The following PRDM2 variants were observed in gnomAD, a reference collection of about 807,000 sequenced individuals.
PRDM2 encodes PR domain zinc finger protein 2.
PRDM2 carries 30 observed loss-of-function variants against 130.0 expected under a neutral mutation model. That is an observed-to-expected ratio of 0.23 (90% CI 0.17 to 0.31). PRDM2 has a LOEUF of 0.31. Among genes scored for constraint, PRDM2 ranks in the 10% least tolerant of loss-of-function variants. The pLI is 1.00. For missense variants in PRDM2, 2,011 were observed against 2,108.4 expected, an observed-to-expected ratio of 0.95 and a Z score of 0.90; for synonymous variants, 871 against 782.4, an observed-to-expected ratio of 1.11 and a Z score of -1.89.
At chr1:13,793,225 C>T (rs1012725675) in intron 8 of PRDM2, among the ~76,000 whole-genome samples, 1 of 152,256 alleles carries the variant, frequency 6.6e-6, no homozygotes, top group African/African-American at 2.4e-5. Context: ...TGTAGGGGAG[C>T]TCTGTGCCCC....
At chr1:13,799,539 G>A (rs1013755524) in intron 8 of PRDM2, among the ~76,000 whole-genome samples, 1 of 151,692 alleles carries the variant, frequency 6.6e-6, no homozygotes, top group Non-Finnish European at 1.5e-5. Context: ...TTGCTGGAAC[G>A]CCAACTGTGG....
Position 13,749,493 on chromosome 1 carries a change from A to C in PRDM2, c.511+6A>C, listed in dbSNP as rs1162553290. 1.4e-6 allele frequency: 2 copies of C among 1,399,366 alleles called. No individual in the cohort carries two copies. Among genetic ancestry groups the C allele is most frequent in the Non-Finnish European group, 1.9e-6 (2 of 1,055,652 alleles). The allele number at this position is 1,399,366 out of a possible 1,614,324, so 86.7% of individuals were successfully genotyped here. On this transcript the variant is annotated splice_donor_region_variant and intron_variant, in intron 6 of 9. Coordinates refer to ENST00000311066, the MANE Select transcript of PRDM2 (RefSeq NM_001393986.1). ...CTCCCCCAAGAGCCGGAAAGGTAGG[A>C]GCCCCCCGGCCCGCCCGCCCGGCCC...
At chr1:13,762,158 C>G (rs1257537111) in intron 6 of PRDM2, among the ~76,000 whole-genome samples, 1 of 152,204 alleles carries the variant, frequency 6.6e-6, no homozygotes, top group African/African-American at 2.4e-5. Context: ...TGTGCATTAC[C>G]TCATTTACTT....
intron 6 of PRDM2, among the ~76,000 whole-genome samples, chr1:13,750,310 C>G (rs1382609864): frequency 6.6e-6 from 1 of 151,134 alleles, no homozygotes; most frequent in South Asian, 2.1e-4. Flanking sequence ...GTTCATAGAT[C>G]CCAGTTTGAA....
Position 13,824,279 on chromosome 1 carries a change from A to G in PRDM2, c.*1144A>G, listed in dbSNP as rs1479336914. ...TCAGCTCCAATTTCAAGAGTGAGCT[A>G]TCAAACCCAGAGCGGAAGGAGGGAG... On this transcript the variant is annotated 3_prime_UTR_variant, in exon 10 of 10. Transcript: ENST00000311066. 1 of 152,648 alleles carries G rather than the reference A, an allele frequency of 6.6e-6. No homozygotes were observed. Among genetic ancestry groups the G allele is most frequent in the African/African-American group, 2.4e-5 (1 of 41,446 alleles). 9.5% of individuals were successfully genotyped at this position (152,648 alleles called of 1,614,324 possible).
chr1:13,748,213 T>C (rs1392491903), intron 5 of PRDM2, among the ~76,000 whole-genome samples: 1 of 152,244 alleles, frequency 6.6e-6, no homozygotes, highest in Non-Finnish European at 1.5e-5. Flanking sequence ...TTTTCTTTTG[T>C]AATTAATAAA....
intron 8 of PRDM2, among the ~76,000 whole-genome samples, chr1:13,801,081 G>A (rs1644999662): frequency 6.6e-6 from 1 of 152,226 alleles, no homozygotes; most frequent in Non-Finnish European, 1.5e-5. Context: ...TAGTGTTCCA[G>A]TAGTGCCCCC....
At chr1:13,787,903 A>G in intron 8 of PRDM2, 2 of 985,112 alleles carry the variant, frequency 2.0e-6, no homozygotes, top group Non-Finnish European at 2.4e-6. Context: ...GAGGTTAATT[A>G]TAGATAGACA....
intron 8 of PRDM2, among the ~76,000 whole-genome samples, chr1:13,794,520 CAT>C (rs1459035597): frequency 3.9e-5 from 6 of 152,168 alleles, no homozygotes; most frequent in African/African-American, 4.8e-5. Context: ...CTGGCTTTAT[CAT>C]GTGTAGTTCT....
chr1:13,730,773 A>C (rs758705848), intron 2 of PRDM2, among the ~76,000 whole-genome samples: 13 of 152,218 alleles, frequency 8.5e-5, no homozygotes, highest in Non-Finnish European at 1.5e-4. Context: ...GGAACAAAAT[A>C]GAGTAACACA....
At chr1:13,805,971 C>T (rs1030539640) in intron 8 of PRDM2, among the ~76,000 whole-genome samples, 2 of 152,122 alleles carry the variant, frequency 1.3e-5, no homozygotes, top group Admixed American at 6.5e-5. Flanking sequence ...CTTCTTGAAG[C>T]GTCCTCTGGG....
At chr1:13,724,304 A>G (rs1022873694) in intron 2 of PRDM2, among the ~76,000 whole-genome samples, 1 of 152,176 alleles carries the variant, frequency 6.6e-6, no homozygotes. Context: ...ATCTCAGTTT[A>G]TTCTGGTATA....
At chr1:13,752,957 A>G (rs2100551274) in intron 6 of PRDM2, among the ~76,000 whole-genome samples, 1 of 152,332 alleles carries the variant, frequency 6.6e-6, no homozygotes, top group African/African-American at 2.4e-5. Flanking sequence ...GCTCTTGGGA[A>G]CTGTAAGTAC....
At position 13,732,871 on chromosome 1, in the gene PRDM2, T is replaced by C; in HGVS notation, c.220T>C (p.Tyr74His). The C allele has an allele frequency of 6.3e-7, 1 of 1,575,212 alleles. No homozygotes were observed. Among genetic ancestry groups the C allele is most frequent in the Non-Finnish European group, 8.7e-7 (1 of 1,152,980 alleles). Residue 74 changes from tyrosine to histidine, a missense_variant, in exon 4 of 10, where the codon TAC (tyrosine) becomes CAC (histidine). Tyr to His is a moderately conservative substitution (Grantham distance 83). Transcript: ENST00000311066. ...KKRSQVKNNVYMWEVYYPNLG... is the reference protein window; with the variant it reads ...KKRSQVKNNVHMWEVYYPNLG... ...AAGATCTCAGGTTAAGAATAATGTA[T>C]ACATGTGGGAGGTAAGAAGTAATTC...
intron 8 of PRDM2, among the ~76,000 whole-genome samples, chr1:13,783,702 C>T (rs2100681616): frequency 6.6e-6 from 1 of 152,272 alleles, no homozygotes; most frequent in South Asian, 2.1e-4. Flanking sequence ...CTTCCTGAGT[C>T]CTTTGTCCGA....
At position 13,781,360 on chromosome 1, in the gene PRDM2, A is replaced by T; in HGVS notation, c.3565A>T (p.Asn1189Tyr). 1 of 1,614,092 alleles carries T rather than the reference A, an allele frequency of 6.2e-7. No homozygotes were observed. Among genetic ancestry groups the T allele is most frequent in the Non-Finnish European group, 8.5e-7 (1 of 1,180,016 alleles). The change falls in exon 8 of 10, where the codon AAT becomes TAT. Residue 1189 changes from asparagine to tyrosine, a missense_variant. Physicochemically the swap from Asn to Tyr is moderately radical, Grantham distance 143. Transcript: ENST00000311066. This position sits in a 1 kb window ranked among gnomAD's most constrained non-coding sequence, Gnocchi z 6.1. ...TCGCTTTTTGCTTCATGGAGTTGGG[A>T]ATATCTTTGTGTGTTCTGTTTGTAA... is the stretch of plus-strand genomic sequence containing the variant. The part of the protein sequence containing the change: ...EHRFLLHGVG[N>Y]IFVCSVCKKE...
intron 8 of PRDM2, among the ~76,000 whole-genome samples, chr1:13,804,201 G>A (rs1645053315): frequency 6.6e-6 from 1 of 152,152 alleles, no homozygotes; most frequent in Non-Finnish European, 1.5e-5. Context: ...ATTCCTCATG[G>A]TCAACTGTGT....
chr1:13,806,816 A>G lies in PRDM2; in HGVS notation c.5037-9611A>G, dbSNP rs1271708146. Among the ~76,000 whole-genome samples, 1 of 152,076 alleles carries G rather than the reference A, an allele frequency of 6.6e-6. No homozygotes were observed. The highest frequency in any genetic ancestry group is 1.5e-5 in the Non-Finnish European group (1 of 68,014). ...GGACAACTGACTGACACCTCACTTG[A>G]AGGCCTATGAGACCCTCCCCTCTGC... On this transcript the variant is annotated intron_variant, in intron 8 of 9. Transcript: ENST00000311066. The surrounding 1 kb of genome is among the most constrained non-coding windows in gnomAD (Gnocchi z 4.1).
At chr1:13,815,846 G>A (rs1645248151) in intron 8 of PRDM2, among the ~76,000 whole-genome samples, 1 of 152,204 alleles carries the variant, frequency 6.6e-6, no homozygotes, top group Non-Finnish European at 1.5e-5. Flanking sequence ...ACCCCTGTGA[G>A]ATACTCAGCA....
Sources: gnomAD v4.1 joint callset for allele counts (sites outside exome capture counted in the v4.1 genomes callset) on GRCh38, gnomAD v4.1.1 for gene constraint, Gnocchi (gnomAD v3.1) non-coding constraint, MANE v1.5 for transcripts, NCBI Gene and HGNC (gene_info 2026-07-23, HGNC 2026-07-21) for gene names.